Variants in PAX3 observed in about 807,000 individuals in gnomAD.
The protein encoded by PAX3 is paired box 3, also known as paired box protein Pax-3.
PAX3 carries 14 observed loss-of-function variants against 51.6 expected under a neutral mutation model. The observed-to-expected ratio is 0.27, with a 90% CI of 0.18 to 0.42. PAX3 has a LOEUF of 0.42. Ranked by LOEUF, PAX3 falls within the 10% of genes least tolerant of loss-of-function variation. PAX3 has a pLI of 1.00. For missense variants in PAX3, 540 were observed against 642.8 expected (o/e 0.84, Z 1.73); for synonymous variants, 280 against 253.4 (o/e 1.11, Z -1.00).
At chr2:222,250,594 G>A (rs184423428) in intron 4 of PAX3, among the ~76,000 whole-genome samples, 39 of 152,248 alleles carry the variant, frequency 2.6e-4, no homozygotes, top group Middle Eastern at 3.4e-3. Flanking sequence ...AAGAATTGGG[G>A]CAATTAGAAA....
intron 4 of PAX3, among the ~76,000 whole-genome samples, chr2:222,253,683 G>A (rs1029994323): frequency 6.6e-6 from 1 of 150,586 alleles, no homozygotes; most frequent in African/African-American, 2.4e-5. Context: ...GAAGAAAAGA[G>A]CCTGTTGCCC....
chr2:222,268,246 C>G (rs1686081550), intron 4 of PAX3, among the ~76,000 whole-genome samples: 1 of 152,176 alleles, frequency 6.6e-6, no homozygotes, highest in Non-Finnish European at 1.5e-5. Flanking sequence ...CATGTATGTG[C>G]GTGCCTGGGT....
At chr2:222,245,630 G>A (rs1486465623) in intron 4 of PAX3, among the ~76,000 whole-genome samples, 1 of 151,720 alleles carries the variant, frequency 6.6e-6, no homozygotes, top group Non-Finnish European at 1.5e-5. Flanking sequence ...TAAAGGAGGG[G>A]AGGAGAGAAG....
intron 1 of PAX3, chr2:222,298,016 T>C (rs1211803961): frequency 6.4e-6 from 1 of 155,356 alleles, no homozygotes; most frequent in Non-Finnish European, 1.4e-5. Flanking sequence ...TTCTAGATGC[T>C]ATTTGAGATA....
At chr2:222,252,411 T>C (rs958412640) in intron 4 of PAX3, among the ~76,000 whole-genome samples, 2 of 152,180 alleles carry the variant, frequency 1.3e-5, no homozygotes, top group Non-Finnish European at 2.9e-5. Flanking sequence ...ATTTTACAGA[T>C]TGAAAAAACG....
At chr2:222,205,632 TG>T (rs1691475602) in intron 7 of PAX3, among the ~76,000 whole-genome samples, 1 of 152,202 alleles carries the variant, frequency 6.6e-6, no homozygotes, top group Non-Finnish European at 1.5e-5. Context: ...ATAATTATAA[TG>T]TGATTTATTT....
chr2:222,251,642 G>T (rs1391837794), intron 4 of PAX3, among the ~76,000 whole-genome samples: 1 of 152,122 alleles, frequency 6.6e-6, no homozygotes, highest in African/African-American at 2.4e-5. Flanking sequence ...GGATGGCTGG[G>T]TCAAATGGTA....
chr2:222,277,259 G>C (rs916182454), intron 4 of PAX3, among the ~76,000 whole-genome samples: 2 of 152,200 alleles, frequency 1.3e-5, no homozygotes, highest in African/African-American at 4.8e-5. Flanking sequence ...GGGGGTTGGG[G>C]AGGCTTCTGG....
intron 4 of PAX3, among the ~76,000 whole-genome samples, chr2:222,292,401 G>A (rs1695075109): frequency 6.6e-6 from 1 of 152,224 alleles, no homozygotes; most frequent in South Asian, 2.1e-4. Flanking sequence ...TGTCTCCCAA[G>A]TTCATCTCCA....
intron 1 of PAX3, among the ~76,000 whole-genome samples, chr2:222,297,611 G>A (rs1435777999): frequency 6.6e-6 from 1 of 152,216 alleles, no homozygotes; most frequent in Non-Finnish European, 1.5e-5. Context: ...ACCGATCCCT[G>A]TCCAATTGGG....
chr2:222,272,512 G>T (rs774267140), intron 4 of PAX3, among the ~76,000 whole-genome samples: 2 of 152,168 alleles, frequency 1.3e-5, no homozygotes, highest in Admixed American at 6.6e-5. Flanking sequence ...GGCCTTTACC[G>T]TGTATGGCTT....
chr2:222,263,564 G>C (rs1482000252), intron 4 of PAX3: 1 of 152,134 alleles, frequency 6.6e-6, no homozygotes, highest in African/African-American at 2.4e-5. Flanking sequence ...AAACAGTCTG[G>C]CAGTTTCTTA....
intron 4 of PAX3, among the ~76,000 whole-genome samples, chr2:222,251,661 T>C (rs1693438526): frequency 6.6e-6 from 1 of 152,144 alleles, no homozygotes; most frequent in Non-Finnish European, 1.5e-5. Flanking sequence ...TATTTCTAGT[T>C]CTAGATCCCT....
intron 4 of PAX3, among the ~76,000 whole-genome samples, chr2:222,265,646 A>AGAAGGAAGGAAGGAAGGAAGGAAGAAAG (rs1694022441): frequency 9.2e-6 from 1 of 109,182 alleles, no homozygotes; most frequent in African/African-American, 3.5e-5. Flanking sequence ...ATCAAAAAAA[A>AGAAGGAAGGAAGGAAGGAAGGAAGAAAG]GAAGGAAGGA....
At chr2:222,247,064 T>C (rs897975291) in intron 4 of PAX3, among the ~76,000 whole-genome samples, 1 of 152,234 alleles carries the variant, frequency 6.6e-6, no homozygotes, top group African/African-American at 2.4e-5. Flanking sequence ...TCTCCTTCTA[T>C]TCTCACAATA....
intron 7 of PAX3, among the ~76,000 whole-genome samples, chr2:222,218,906 T>G (rs976960985): frequency 6.6e-6 from 1 of 152,280 alleles, no homozygotes; most frequent in African/African-American, 2.4e-5. Context: ...TAGGCGGAAA[T>G]GTTTATTTCA....
chr2:222,287,542 GA>G (rs1389628962), intron 4 of PAX3: 2 of 152,174 alleles, frequency 1.3e-5, no homozygotes, highest in Non-Finnish European at 2.9e-5. Context: ...AATATCCAAG[GA>G]AGAAAAGTTA....
At chr2:222,216,482 T>C (rs189149492) in intron 7 of PAX3, among the ~76,000 whole-genome samples, 1 of 152,298 alleles carries the variant, frequency 6.6e-6, no homozygotes, top group African/African-American at 2.4e-5. Context: ...CTGTCACAAA[T>C]ACAGATCAGT....
At position 222,201,132 on chromosome 2, in the gene PAX3, T is replaced by A; in HGVS notation, c.*276A>T. On this transcript the variant is annotated 3_prime_UTR_variant, in exon 9 of 9. Transcript: ENST00000392070. ...TAAAGAATTGGGATGTTTTGATATGTAACCATGTGAAACCATTGCCTTAAA... is the reference window on the plus strand; with the variant it reads ...TAAAGAATTGGGATGTTTTGATATGAAACCATGTGAAACCATTGCCTTAAA... 2 of 1,606,800 alleles carry A rather than the reference T, an allele frequency of 1.2e-6. No homozygotes were observed. The highest frequency in any genetic ancestry group is 1.7e-6 in the Non-Finnish European group (2 of 1,173,756).
Sources: gnomAD v4.1 joint callset for allele counts (sites outside exome capture counted in the v4.1 genomes callset) on GRCh38, gnomAD v4.1.1 for gene constraint, MANE v1.5 for transcripts, NCBI Gene and HGNC (gene_info 2026-07-23, HGNC 2026-07-21) for gene names.